The following NCOR2 variants were observed in gnomAD, a reference collection of about 807,000 sequenced individuals.
The protein encoded by NCOR2 is CTG repeat protein 26.
In NCOR2, 81 loss-of-function variants were observed where a neutral mutation model predicts 262.9. That is an observed-to-expected ratio of 0.31 (90% CI 0.26 to 0.37). The LOEUF is 0.37. NCOR2 is among the 10% of genes least tolerant of loss of function. NCOR2 has a pLI of 1.00. For synonymous variants in NCOR2, 1,659 were observed against 1,559.3 expected (o/e 1.06, Z -1.51); for missense variants, 3,385 against 3,621.4 (o/e 0.93, Z 1.68).
intron 20 of NCOR2, among the ~76,000 whole-genome samples, chr12:124,370,552 A>G (rs577175471): frequency 6.6e-6 from 1 of 152,278 alleles, no homozygotes; most frequent in East Asian, 1.9e-4. Context: ...GTTGAAATAA[A>G]ATGGCCTGCC....
rs368941622 is a variant in NCOR2, at chr12:124,327,073, C to T, written c.7183+336G>A. On this transcript the variant is annotated intron_variant, in intron 45 of 46. Transcript: ENST00000405201. The stretch of plus-strand genomic sequence containing the variant: ...GGGGCTTCACTCCAGCCTGCTCTCC[C>T]CCAAGGAGACAGATGGGCCAAGAAG... 3.0e-3 allele frequency among the ~76,000 whole-genome samples: 464 copies of T among 152,262 alleles called. 1 individual carries two copies. The highest frequency in any genetic ancestry group is 4.4e-3 in the Non-Finnish European group (298 of 68,014).
At chr12:124,396,782 CA>C (rs1363771043) in intron 16 of NCOR2, among the ~76,000 whole-genome samples, 6 of 152,148 alleles carry the variant, frequency 3.9e-5, no homozygotes, top group Non-Finnish European at 8.8e-5. Context: ...GGACCCTCAG[CA>C]CCCCCCACAA....
chr12:124,538,719 G>C (rs1393814624), upstream of NCOR2: 1 of 154,132 alleles, frequency 6.5e-6, no homozygotes, highest in East Asian at 1.9e-4. Flanking sequence ...GCGCAGCGAG[G>C]TGGGAGAGGG....
chr12:124,558,760 G>A (rs960031675), intron 1 of NCOR2, among the ~76,000 whole-genome samples: 1 of 152,180 alleles, frequency 6.6e-6, no homozygotes, highest in African/African-American at 2.4e-5. Flanking sequence ...TCAGGAGGGA[G>A]AGGGGCTACG....
chr12:124,503,491 T>C lies in NCOR2; in HGVS notation c.-117-8123A>G, dbSNP rs1466335261. ...GATGGATGGATGGATGGATGATGGA[T>C]TGATGGATGGATGGATGGATGGACA... On this transcript the variant is annotated intron_variant, in intron 1 of 46. Transcript: ENST00000404621. The surrounding 1 kb of genome is among the most constrained non-coding windows in gnomAD (Gnocchi z 4.3). 2.0e-5 allele frequency among the ~76,000 whole-genome samples: 3 copies of C among 147,118 alleles called. No individual in the cohort carries two copies. The highest frequency in any genetic ancestry group is 5.1e-5 in the African/African-American group (2 of 39,274).
chr12:124,424,261 A>T (rs2043400812), intron 11 of NCOR2, among the ~76,000 whole-genome samples: 1 of 152,164 alleles, frequency 6.6e-6, no homozygotes, highest in Non-Finnish European at 1.5e-5. Flanking sequence ...ACCAGGGGGA[A>T]CGTGAATCTC....
At chr12:124,413,170 C>A (rs1337180718) in intron 13 of NCOR2, among the ~76,000 whole-genome samples, 1 of 145,150 alleles carries the variant, frequency 6.9e-6, no homozygotes, top group African/African-American at 2.4e-5. Flanking sequence ...GGGCCATGCA[C>A]CCCCCAACTC....
intron 43 of NCOR2, 79 bp downstream of exon 45, chr12:124,332,240 T>C (rs2035261821): frequency 2.6e-6 from 4 of 1,564,338 alleles, no homozygotes; most frequent in Admixed American, 1.7e-5. Flanking sequence ...TTTCTGCCAC[T>C]GGGCGGCTCC....
Position 124,325,378 on chromosome 12 carries a change from C to CA in NCOR2, c.*23_*24insT, listed in dbSNP as rs2034533006. ...TGTGGCTCGCTGGGACCTGACACCG[C>CA]CCCCCCCCCCGCCCTGTTCTGAGTC... On this transcript the variant is annotated 3_prime_UTR_variant, in exon 47 of 47. Coordinates refer to ENST00000405201, the Ensembl canonical transcript of NCOR2. 33 of 232,296 alleles carry CA rather than the reference C, an allele frequency of 1.4e-4. 2 individuals carry two copies. The highest frequency in any genetic ancestry group is 2.0e-4 in the Non-Finnish European group (31 of 153,604). 14.4% of individuals were successfully genotyped at this position (232,296 alleles called of 1,614,324 possible).
Position 124,440,498 on chromosome 12 carries a change from G to A in NCOR2, c.816-2502C>T, listed in dbSNP as rs1238038528. Among the ~76,000 whole-genome samples the A allele has an allele frequency of 1.3e-5, 2 of 152,206 alleles. No individual in the cohort carries two copies. Among genetic ancestry groups the A allele is most frequent in the Admixed American group, 6.5e-5 (1 of 15,286 alleles). On this transcript the variant is annotated intron_variant, in intron 7 of 46. Transcript: ENST00000405201. The surrounding 1 kb of genome is among the most constrained non-coding windows in gnomAD (Gnocchi z 5.7). ...CCAGCACCCTTCATCTCATAACAGG[G>A]TGTCTCTGAGCACACCTCAGAAGCC...
intron 1 of NCOR2, among the ~76,000 whole-genome samples, chr12:124,526,360 G>A (rs568357713): frequency 5.9e-5 from 9 of 152,282 alleles, no homozygotes; most frequent in African/African-American, 1.7e-4. Flanking sequence ...GGCCCTGTCC[G>A]GCTGCACAAG....
intron 8 of NCOR2, among the ~76,000 whole-genome samples, chr12:124,436,307 A>G (rs2044335137): frequency 6.6e-6 from 1 of 152,226 alleles, no homozygotes; most frequent in Admixed American, 6.5e-5. Flanking sequence ...GAAAGGATAC[A>G]GGGAGCTGCC....
chr12:124,516,415 G>A (rs2049787757), intron 1 of NCOR2, among the ~76,000 whole-genome samples: 1 of 152,224 alleles, frequency 6.6e-6, no homozygotes. Context: ...AACAAAGGCA[G>A]AGCCTGGGAA....
intron 13 of NCOR2, among the ~76,000 whole-genome samples, chr12:124,404,957 G>C (rs1332938383): frequency 6.6e-6 from 1 of 152,238 alleles, no homozygotes; most frequent in Non-Finnish European, 1.5e-5. Flanking sequence ...GCAAAGCTTC[G>C]AGGTCTCGGA....
At chr12:124,408,658 A>T (rs2136230967) in intron 13 of NCOR2, among the ~76,000 whole-genome samples, 1 of 152,268 alleles carries the variant, frequency 6.6e-6, no homozygotes, top group East Asian at 1.9e-4. Flanking sequence ...CTAAGGTGGG[A>T]GGAAAGCTTA....
rs768698217 is a variant in NCOR2 at position 124,503,067 on chromosome 12, C to T, written c.-117-7699G>A. Among the ~76,000 whole-genome samples the T allele has an allele frequency of 4.6e-5, 7 of 152,236 alleles. No homozygotes were observed. The highest frequency in any genetic ancestry group is 1.0e-4 in the Non-Finnish European group (7 of 68,042). ...GGCTGAGGGTCAAATACTAAGAGCTCAATCCCGGGTGCCACCCACAAGGGT... is the reference window on the plus strand; with the variant it reads ...GGCTGAGGGTCAAATACTAAGAGCTTAATCCCGGGTGCCACCCACAAGGGT... On this transcript the variant is annotated intron_variant, in intron 1 of 46. Transcript: ENST00000404621. The surrounding 1 kb of genome is among the most constrained non-coding windows in gnomAD (Gnocchi z 4.3).
At chr12:124,511,498 C>G (rs1197053037) in intron 1 of NCOR2, among the ~76,000 whole-genome samples, 3 of 152,212 alleles carry the variant, frequency 2.0e-5, no homozygotes, top group Non-Finnish European at 4.4e-5. Flanking sequence ...CAGGAGTCAC[C>G]AGACGCGTGG....
intron 37 of NCOR2, among the ~76,000 whole-genome samples, chr12:124,339,794 C>T (rs2036280864): frequency 6.8e-6 from 1 of 146,736 alleles, no homozygotes; most frequent in Non-Finnish European, 1.5e-5. Flanking sequence ...TCCACCCACG[C>T]AGCTAACCTA....
chr12:124,497,302 C>T (rs573839091), upstream of NCOR2, among the ~76,000 whole-genome samples: 278 of 152,308 alleles, frequency 1.8e-3, 3 homozygotes, highest in African/African-American at 6.5e-3. This position sits in a 1 kb window ranked among gnomAD's most constrained non-coding sequence, Gnocchi z 4.2. Flanking sequence ...TTCCCAGCCC[C>T]GAGACAGGAT....
Sources: gnomAD v4.1 joint callset for allele counts (sites outside exome capture counted in the v4.1 genomes callset) on GRCh38, gnomAD v4.1.1 for gene constraint, Gnocchi (gnomAD v3.1) non-coding constraint, MANE v1.5 for transcripts, NCBI Gene and HGNC (gene_info 2026-07-23, HGNC 2026-07-21) for gene names.